Variants in CACNA2D3 observed in about 807,000 individuals in gnomAD.
CACNA2D3 encodes calcium voltage-gated channel auxiliary subunit alpha2delta 3.
Under a neutral mutation model 160.6 loss-of-function variants are expected in CACNA2D3, and 60 were observed. The observed-to-expected ratio is 0.37, with a 90% CI of 0.30 to 0.46. CACNA2D3 has a LOEUF of 0.46. Among genes scored for constraint, CACNA2D3 ranks in the 20% least tolerant of loss-of-function variants. The probability of loss-of-function intolerance (pLI) is 1.00; values close to 1 mark genes in which losing one functional copy is unlikely to be tolerated. For synonymous variants in CACNA2D3, 558 were observed against 492.9 expected (o/e 1.13, Z -1.75); for missense variants, 1,205 against 1,365.0 (o/e 0.88, Z 1.85).
chr3:54,284,004 T>G (rs988922911), intron 2 of CACNA2D3, among the ~76,000 whole-genome samples: 1 of 152,086 alleles, frequency 6.6e-6, no homozygotes, highest in South Asian at 2.1e-4. Context: ...GGAGGTTGCA[T>G]TGAGCCGAGA....
At chr3:54,787,311 C>T (rs1702660468) in intron 13 of CACNA2D3, among the ~76,000 whole-genome samples, 1 of 152,158 alleles carries the variant, frequency 6.6e-6, no homozygotes, top group Non-Finnish European at 1.5e-5. Context: ...TTTAAGCCCC[C>T]TCATATATTA....
chr3:54,750,633 A>C (rs1701837997), intron 11 of CACNA2D3, among the ~76,000 whole-genome samples: 1 of 152,158 alleles, frequency 6.6e-6, no homozygotes, highest in African/African-American at 2.4e-5. Flanking sequence ...CAAAACACTT[A>C]ACTGGGCCTC....
intron 10 of CACNA2D3, among the ~76,000 whole-genome samples, chr3:54,636,443 A>G (rs932669131): frequency 2.0e-5 from 3 of 151,982 alleles, no homozygotes; most frequent in Non-Finnish European, 4.4e-5. Context: ...GGAGCCAGGG[A>G]GCAGAAAGCA....
chr3:54,609,413 C>G (rs1046324641), intron 9 of CACNA2D3, among the ~76,000 whole-genome samples: 5 of 152,196 alleles, frequency 3.3e-5, no homozygotes, highest in South Asian at 2.1e-4. Flanking sequence ...CAGATAGACT[C>G]TAAACGTGTT....
intron 11 of CACNA2D3, among the ~76,000 whole-genome samples, chr3:54,663,186 C>G (rs1700002218): frequency 1.3e-5 from 2 of 152,210 alleles, no homozygotes; most frequent in Non-Finnish European, 2.9e-5. Context: ...TCTGTCCTTG[C>G]TGCGGCTGAT....
At chr3:54,699,775 C>T (rs1222248035) in intron 11 of CACNA2D3, among the ~76,000 whole-genome samples, 1 of 152,130 alleles carries the variant, frequency 6.6e-6, no homozygotes, top group Non-Finnish European at 1.5e-5. Flanking sequence ...TTCATCCTGG[C>T]TGCCGTGAGA....
chr3:54,416,737 C>T lies in CACNA2D3; in HGVS notation c.381+29963C>T, dbSNP rs901386428. On this transcript the variant is annotated intron_variant, in intron 4 of 37. Transcript: ENST00000474759. The stretch of plus-strand genomic sequence containing the variant: ...AATTCATCAGTTTGCTGGTTTTCCT[C>T]ATCTAGATGATATTTTTCTGCCACT... Among the ~76,000 whole-genome samples, 7 of 152,070 alleles carry T rather than the reference C, an allele frequency of 4.6e-5. No homozygotes were observed. The South Asian group carries it at 6.2e-4, about 14-fold the overall frequency.
chr3:54,278,303 C>T (rs978226647), intron 2 of CACNA2D3, among the ~76,000 whole-genome samples: 4 of 152,150 alleles, frequency 2.6e-5, no homozygotes, highest in Non-Finnish European at 4.4e-5. Flanking sequence ...CATCTCATGC[C>T]AGTTAGAATG....
intron 17 of CACNA2D3, among the ~76,000 whole-genome samples, chr3:54,871,202 C>CACACACACACAGAG (rs1553897790): frequency 2.1e-5 from 3 of 144,544 alleles, no homozygotes; most frequent in African/African-American, 8.3e-5. Flanking sequence ...CACACACACA[C>CACACACACACAGAG]ACACACACAC....
intron 2 of CACNA2D3, among the ~76,000 whole-genome samples, chr3:54,230,995 G>A (rs1013115733): frequency 9.9e-5 from 15 of 152,196 alleles, no homozygotes; most frequent in African/African-American, 3.4e-4. Context: ...GGGGACACAT[G>A]GTGACTTGGA....
intron 35 of CACNA2D3, among the ~76,000 whole-genome samples, chr3:55,034,370 A>C (rs1703767942): frequency 6.6e-6 from 1 of 151,712 alleles, no homozygotes; most frequent in South Asian, 2.1e-4. Flanking sequence ...TTATGTCCTT[A>C]CTTCTCTTTG....
chr3:54,838,112 T>C (rs1053706247), intron 15 of CACNA2D3, among the ~76,000 whole-genome samples: 1 of 152,134 alleles, frequency 6.6e-6, no homozygotes, highest in African/African-American at 2.4e-5. Flanking sequence ...GTTAGGGTTA[T>C]TATATATTTC....
At position 54,205,352 on chromosome 3, in the gene CACNA2D3, C is replaced by G. The variant is rs1424142739; in HGVS notation, c.204+81758C>G. 5.9e-5 allele frequency among the ~76,000 whole-genome samples: 9 copies of G among 152,246 alleles called. No homozygotes were observed. In the East Asian group the frequency reaches 1.7e-3, roughly 29 times the overall value. On this transcript the variant is annotated intron_variant, in intron 2 of 37. Transcript: ENST00000474759. ...AGGTGATCCACCCGCCTTGGCCTCC[C>G]AAAGTGCTGGGATTACAGGTGTGAT...
chr3:54,266,653 G>C (rs531286855), intron 2 of CACNA2D3, among the ~76,000 whole-genome samples: 2 of 152,312 alleles, frequency 1.3e-5, no homozygotes, highest in South Asian at 4.1e-4. Flanking sequence ...TTCAGTAGCA[G>C]CCTAGTCCAT....
intron 13 of CACNA2D3, among the ~76,000 whole-genome samples, chr3:54,767,230 T>C (rs1051795753): frequency 1.3e-5 from 2 of 152,104 alleles, no homozygotes; most frequent in Non-Finnish European, 1.5e-5. Context: ...AATCCAATAA[T>C]ATTTCAAGTG....
intron 31 of CACNA2D3, among the ~76,000 whole-genome samples, chr3:55,000,507 C>T (rs1055406524): frequency 6.6e-6 from 1 of 152,146 alleles, no homozygotes; most frequent in Non-Finnish European, 1.5e-5. Context: ...CACCATGGCA[C>T]ATGTATTCCT....
intron 27 of CACNA2D3, among the ~76,000 whole-genome samples, chr3:54,954,199 G>A (rs1219975629): frequency 1.3e-5 from 2 of 152,098 alleles, no homozygotes; most frequent in African/African-American, 4.8e-5. Context: ...ATCAGTCCAG[G>A]CACAGGTCAG....
intron 3 of CACNA2D3, among the ~76,000 whole-genome samples, chr3:54,335,256 A>C (rs1704348569): frequency 6.6e-6 from 1 of 152,238 alleles, no homozygotes; most frequent in South Asian, 2.1e-4. Flanking sequence ...TGCTCAAGGA[A>C]GAATTCAGGG....
intron 2 of CACNA2D3, among the ~76,000 whole-genome samples, chr3:54,162,343 G>T (rs971853485): frequency 2.0e-5 from 3 of 152,170 alleles, no homozygotes; most frequent in Non-Finnish European, 2.9e-5. Context: ...ATGACTTGAT[G>T]GCTGGGGATT....
Sources: gnomAD v4.1 joint callset for allele counts (sites outside exome capture counted in the v4.1 genomes callset) on GRCh38, gnomAD v4.1.1 for gene constraint, MANE v1.5 for transcripts, NCBI Gene and HGNC (gene_info 2026-07-23, HGNC 2026-07-21) for gene names.